DOK6: variants seen among roughly 807,000 people sequenced by gnomAD.
The protein encoded by DOK6 is docking protein 6.
In DOK6, 22 loss-of-function variants were observed where a neutral mutation model predicts 44.0. The ratio of observed to expected loss-of-function variants is 0.50; its 90% CI spans 0.36 to 0.71. DOK6 has a LOEUF of 0.71. DOK6 is among the 30% of genes least tolerant of loss of function. The pLI is 0.00. For missense variants in DOK6, 340 were observed against 416.4 expected (o/e 0.82, Z 1.60); for synonymous variants, 166 against 145.5 (o/e 1.14, Z -1.01).
At chr18:69,585,332 A>T (rs1291953708) in intron 2 of DOK6, among the ~76,000 whole-genome samples, 1 of 151,908 alleles carries the variant, frequency 6.6e-6, no homozygotes, top group African/African-American at 2.4e-5. Context: ...TAATTGTATT[A>T]TGGCAATAGG....
intron 1 of DOK6, among the ~76,000 whole-genome samples, chr18:69,545,297 C>T (rs1474614785): frequency 6.7e-6 from 1 of 149,778 alleles, no homozygotes; most frequent in Non-Finnish European, 1.5e-5. Context: ...CAAAAATTTC[C>T]TTCTGCTTGG....
intron 1 of DOK6, among the ~76,000 whole-genome samples, chr18:69,434,098 G>C (rs1978881823): frequency 6.6e-6 from 1 of 152,132 alleles, no homozygotes; most frequent in Non-Finnish European, 1.5e-5. Flanking sequence ...ATAATTATGT[G>C]AGGTCAGGTT....
intron 5 of DOK6, among the ~76,000 whole-genome samples, chr18:69,702,118 A>G (rs1986534075): frequency 6.7e-6 from 1 of 149,510 alleles, no homozygotes. Context: ...AGAGTTATCA[A>G]TGCCCTTCTG....
intron 1 of DOK6, among the ~76,000 whole-genome samples, chr18:69,517,552 G>A (rs1254847997): frequency 6.6e-6 from 1 of 152,012 alleles, no homozygotes; most frequent in African/African-American, 2.4e-5. Flanking sequence ...ATGTATGTAT[G>A]CATTGACTGA....
At chr18:69,428,793 AG>A (rs1406272331) in intron 1 of DOK6, among the ~76,000 whole-genome samples, 6 of 152,232 alleles carry the variant, frequency 3.9e-5, no homozygotes, top group African/African-American at 1.4e-4. Flanking sequence ...TAAAAATAAA[AG>A]GACTTGCTCA....
At chr18:69,430,313 T>C (rs1005166753) in intron 1 of DOK6, among the ~76,000 whole-genome samples, 3 of 152,198 alleles carry the variant, frequency 2.0e-5, no homozygotes, top group Admixed American at 6.5e-5. Context: ...ACAAGGAAAG[T>C]AGGTCATTTT....
chr18:69,664,634 A>G (rs1985610559), intron 3 of DOK6, among the ~76,000 whole-genome samples: 1 of 152,188 alleles, frequency 6.6e-6, no homozygotes, highest in East Asian at 1.9e-4. Context: ...AACTGCAAGC[A>G]ATATCACCCT....
chr18:69,691,940 C>T (rs1248325846), intron 4 of DOK6, among the ~76,000 whole-genome samples: 2 of 152,022 alleles, frequency 1.3e-5, no homozygotes, highest in Non-Finnish European at 2.9e-5. Flanking sequence ...TAGGAACATA[C>T]CATATGCCTC....
intron 2 of DOK6, among the ~76,000 whole-genome samples, chr18:69,585,831 C>G (rs1450068604): frequency 2.0e-5 from 3 of 152,174 alleles, no homozygotes; most frequent in African/African-American, 7.2e-5. Context: ...TTCTCCTAAG[C>G]TTTTCCATTT....
In DOK6 at chr18:69,842,163, T is replaced by G. The variant is rs543593810; in HGVS notation, c.*780T>G. On this transcript the variant is annotated 3_prime_UTR_variant, in exon 8 of 8. Coordinates refer to ENST00000382713, the MANE Select transcript of DOK6 (RefSeq NM_152721.6). Reference sequence around the variant, plus strand: ...CTGTAAAAAAAAAAAAAAAAAAGGCTTCTTATTAGCAAAAGTATATGTAAT... The same window carrying G: ...CTGTAAAAAAAAAAAAAAAAAAGGCGTCTTATTAGCAAAAGTATATGTAAT... 2 of 147,682 alleles carry G rather than the reference T, an allele frequency of 1.4e-5. No homozygotes were observed. The highest frequency in any genetic ancestry group is 3.9e-4 in the East Asian group (2 of 5,114). 9.1% of individuals were successfully genotyped at this position (147,682 alleles called of 1,614,324 possible).
chr18:69,493,125 A>C (rs1980783488), intron 1 of DOK6, among the ~76,000 whole-genome samples: 1 of 152,196 alleles, frequency 6.6e-6, no homozygotes, highest in African/African-American at 2.4e-5. Context: ...TCCCAGGTGA[A>C]GTTTATAATC....
At chr18:69,466,731 G>A (rs10871643) in intron 1 of DOK6, among the ~76,000 whole-genome samples, 109,176 of 151,274 alleles carry the variant, frequency 0.72, 39,686 homozygotes, top group East Asian at 0.98. Context: ...GTGTGATATA[G>A]TCTGAAAAAT....
intron 1 of DOK6, among the ~76,000 whole-genome samples, chr18:69,538,794 T>C (rs557293664): frequency 1.4e-4 from 21 of 152,288 alleles, no homozygotes; most frequent in Admixed American, 1.3e-3. Context: ...CATCCCTTCA[T>C]TTCCCTTTAA....
At chr18:69,807,508 T>A (rs569983706) in intron 7 of DOK6, among the ~76,000 whole-genome samples, 2 of 151,976 alleles carry the variant, frequency 1.3e-5, no homozygotes, top group South Asian at 4.1e-4. Flanking sequence ...TGGCTGAAGG[T>A]ATTAAAAAGA....
chr18:69,663,665 C>T (rs1025588524), intron 3 of DOK6, among the ~76,000 whole-genome samples: 1 of 152,162 alleles, frequency 6.6e-6, no homozygotes, highest in African/African-American at 2.4e-5. Context: ...ACACCCTAGG[C>T]ACAGTATTGT....
In DOK6 at chr18:69,846,852, A is replaced by G. The variant is rs927467662; in HGVS notation, c.*5469A>G. On this transcript the variant is annotated 3_prime_UTR_variant, in exon 8 of 8. Transcript: ENST00000382713. ...GAGCCTCAAGAAGCTTCCATTATCAACAAGAATTGGGGAAATGACTTTTTT... is the reference window on the plus strand; with the variant it reads ...GAGCCTCAAGAAGCTTCCATTATCAGCAAGAATTGGGGAAATGACTTTTTT... The G allele has an allele frequency of 6.6e-6, 1 of 152,194 alleles. No homozygotes were observed. The highest frequency in any genetic ancestry group is 1.5e-5 in the Non-Finnish European group (1 of 68,024). 9.4% of individuals were successfully genotyped at this position (152,194 alleles called of 1,614,324 possible).
chr18:69,531,874 C>G (rs74258305), intron 1 of DOK6, among the ~76,000 whole-genome samples: 2 of 152,048 alleles, frequency 1.3e-5, no homozygotes, highest in African/African-American at 4.8e-5. Flanking sequence ...TATTCCCCAC[C>G]GCCATTTGTT....
At chr18:69,499,227 A>G (rs1980981922) in intron 1 of DOK6, among the ~76,000 whole-genome samples, 1 of 151,022 alleles carries the variant, frequency 6.6e-6, no homozygotes, top group African/African-American at 2.5e-5. Flanking sequence ...GTGTGTATGT[A>G]TATATATATA....
chr18:69,714,221 C>G (rs1986832276), intron 5 of DOK6, among the ~76,000 whole-genome samples: 2 of 152,174 alleles, frequency 1.3e-5, no homozygotes, highest in Admixed American at 6.5e-5. Context: ...GGAGGCAGAG[C>G]TTTCTGGAGA....
Sources: gnomAD v4.1 joint callset for allele counts (sites outside exome capture counted in the v4.1 genomes callset) on GRCh38, gnomAD v4.1.1 for gene constraint, MANE v1.5 for transcripts, NCBI Gene and HGNC (gene_info 2026-07-23, HGNC 2026-07-21) for gene names.